Variants in AKR1E2 observed in about 807,000 individuals in gnomAD.
The protein encoded by AKR1E2 is 1,5-anhydro-D-fructose reductase.
AKR1E2 carries 43 observed loss-of-function variants against 41.9 expected under a neutral mutation model. The ratio of observed to expected loss-of-function variants is 1.03; its 90% CI spans 0.80 to 1.32. The LOEUF is 1.32. Among genes scored for constraint, AKR1E2 ranks in the 40% most tolerant of loss-of-function variants. The pLI, the probability that AKR1E2 is intolerant of heterozygous loss-of-function variation, is 0.00. For synonymous variants in AKR1E2, 121 were observed against 138.9 expected (o/e 0.87, Z 0.91); for missense variants, 423 against 396.5 (o/e 1.07, Z -0.57).
chr10:4,827,805 A>C (rs1285625258), intron 1 of AKR1E2, among the ~76,000 whole-genome samples: 1 of 152,178 alleles, frequency 6.6e-6, no homozygotes, highest in Non-Finnish European at 1.5e-5. Context: ...AAGGACGTGC[A>C]TCTGTCAGCC....
chr10:4,858,057 T>C, the AKR1E2 span, among the ~76,000 whole-genome samples: 59 of 152,194 alleles, frequency 3.9e-4, no homozygotes, highest in Non-Finnish European at 7.2e-4. Context: ...TTCTAGTTCC[T>C]TAGGATGTAA....
chr10:4,869,985 G>A, the AKR1E2 span, among the ~76,000 whole-genome samples: 1 of 151,950 alleles, frequency 6.6e-6, no homozygotes, highest in Non-Finnish European at 1.5e-5. Flanking sequence ...TGTGATTTGG[G>A]AATTTGAAAA....
At chr10:4,829,420 A>G (rs1832793020) in intron 1 of AKR1E2, among the ~76,000 whole-genome samples, 4 of 152,196 alleles carry the variant, frequency 2.6e-5, no homozygotes, top group Admixed American at 2.6e-4. Flanking sequence ...AACGGTATTC[A>G]TGAATAAGAT....
At chr10:4,850,870 A>G (rs1564282093), downstream of AKR1E2, among the ~76,000 whole-genome samples, 3 of 152,156 alleles carry the variant, frequency 2.0e-5, no homozygotes, top group African/African-American at 7.2e-5. Context: ...TAAAATTCGC[A>G]TTTTAGCACG....
At chr10:4,851,558 T>A (rs1834527314), downstream of AKR1E2, among the ~76,000 whole-genome samples, 1 of 152,212 alleles carries the variant, frequency 6.6e-6, no homozygotes, top group African/African-American at 2.4e-5. Flanking sequence ...TAGAATTATA[T>A]CCATGCTCCA....
the AKR1E2 span, among the ~76,000 whole-genome samples, chr10:4,861,728 T>C: frequency 6.6e-6 from 1 of 152,224 alleles, no homozygotes; most frequent in Non-Finnish European, 1.5e-5. Context: ...GTGAACTTTT[T>C]GTGTGTGGCC....
chr10:4,825,125 G>A (rs540743863), upstream of AKR1E2: 477 of 401,160 alleles, frequency 1.2e-3, 4 homozygotes, highest in South Asian at 2.5e-3. Flanking sequence ...ACATTGAGGA[G>A]ATGGATGCTC....
the AKR1E2 span, among the ~76,000 whole-genome samples, chr10:4,858,540 A>G: frequency 1.3e-5 from 2 of 152,220 alleles, no homozygotes; most frequent in Non-Finnish European, 2.9e-5. Context: ...TTAGCATAGA[A>G]CTACAGAGAG....
chr10:4,826,559 G>A (rs1024134843), intron 1 of AKR1E2, among the ~76,000 whole-genome samples, 196 bp downstream of exon 1: 1 of 152,220 alleles, frequency 6.6e-6, no homozygotes, highest in Non-Finnish European at 1.5e-5. Context: ...CTAAAACGGA[G>A]TCGGTGCTGC....
chr10:4,836,372 G>A (rs371099366), intron 4 of AKR1E2, among the ~76,000 whole-genome samples: 2 of 152,166 alleles, frequency 1.3e-5, no homozygotes, highest in Non-Finnish European at 2.9e-5. Context: ...GGAAATTAAG[G>A]GGGTGGTGGA....
chr10:4,832,958 T>C (rs17133691), intron 2 of AKR1E2, among the ~76,000 whole-genome samples: 5,390 of 152,338 alleles, frequency 0.035, 149 homozygotes, highest in East Asian at 0.11. Flanking sequence ...AACAGAGAAC[T>C]CTTAATACGG....
chr10:4,847,446 C>T (rs772170195), intron 9 of AKR1E2, 42 bp from the exon 10 acceptor site: 2 of 1,598,670 alleles, frequency 1.3e-6, no homozygotes, highest in East Asian at 2.2e-5. Context: ...AAAAAATAAT[C>T]ATTCTTTGTT....
intron 3 of AKR1E2, among the ~76,000 whole-genome samples, chr10:4,834,810 A>G (rs1833272475): frequency 6.6e-6 from 1 of 152,228 alleles, no homozygotes; most frequent in African/African-American, 2.4e-5. Flanking sequence ...AAATTACAGA[A>G]GAGAATAATG....
At chr10:4,862,715 T>C in the AKR1E2 span, among the ~76,000 whole-genome samples, 3 of 152,282 alleles carry the variant, frequency 2.0e-5, no homozygotes, top group Middle Eastern at 3.4e-3. Context: ...AGTTCACTCA[T>C]GATTTGGCTC....
the AKR1E2 span, among the ~76,000 whole-genome samples, chr10:4,868,468 G>A: frequency 1.8e-4 from 28 of 152,274 alleles, no homozygotes; most frequent in African/African-American, 6.5e-4. Flanking sequence ...GCTGACATAA[G>A]CCCGTGGAAT....
At chr10:4,863,102 A>G in the AKR1E2 span, among the ~76,000 whole-genome samples, 6 of 152,202 alleles carry the variant, frequency 3.9e-5, no homozygotes, top group African/African-American at 1.4e-4. Flanking sequence ...GCTCTGCACC[A>G]AGTGGACCTA....
chr10:4,827,997 T>C (rs1832680121), intron 1 of AKR1E2, among the ~76,000 whole-genome samples: 1 of 152,240 alleles, frequency 6.6e-6, no homozygotes, highest in African/African-American at 2.4e-5. Flanking sequence ...GTGCATCAAA[T>C]TGGATTAATC....
intron 3 of AKR1E2, 38 bp from the exon 4 acceptor site, chr10:4,835,636 TG>T (rs745579535): frequency 0.042 from 67,497 of 1,603,632 alleles, 1,765 homozygotes; most frequent in East Asian, 0.12. Context: ...TGTTTTGTTT[TG>T]TTTTGTTTTC....
chr10:4,861,769 A>T, the AKR1E2 span, among the ~76,000 whole-genome samples: 4 of 151,996 alleles, frequency 2.6e-5, no homozygotes, highest in Non-Finnish European at 5.9e-5. Flanking sequence ...TCACTTTTTG[A>T]TGGGGTTGTT....
Sources: allele counts gnomAD v4.1 joint callset (sites outside exome capture counted in the v4.1 genomes callset), GRCh38; gene constraint gnomAD v4.1.1; transcripts MANE v1.5; gene names NCBI Gene and HGNC (gene_info 2026-07-23, HGNC 2026-07-21).